DCAF8L2: variants seen among roughly 807,000 people sequenced by gnomAD.
DCAF8L2 encodes DDB1- and CUL4-associated factor 8-like protein 2.
For synonymous variants in DCAF8L2, 200 were observed against 190.9 expected, an observed-to-expected ratio of 1.05 and a Z score of -0.39; for missense variants, 430 against 490.7, an observed-to-expected ratio of 0.88 and a Z score of 1.17.
At chrX:27,487,415 G>A in the DCAF8L2 span, among the ~76,000 whole-genome samples, 1 of 111,295 alleles carries the variant, frequency 9.0e-6, no homozygotes, top group Admixed American at 9.6e-5. Flanking sequence ...CCGAGAAGCC[G>A]GGATTACAGG....
intron 2 of DCAF8L2, among the ~76,000 whole-genome samples, chrX:27,674,584 G>A (rs1237257766): frequency 9.0e-6 from 1 of 110,966 alleles, no homozygotes; most frequent in Non-Finnish European, 1.9e-5. Context: ...GCATGAAGCC[G>A]TTGTACAATA....
At position 27,748,243 on chromosome X, in the gene DCAF8L2, A is replaced by G; in HGVS notation, c.1348A>G (p.Asn450Asp). ...CAATGATGACGATATTTACCTCTTCAACTCCTCTCACAGTGATGGTGCTCA... is the reference window on the plus strand; with the variant it reads ...CAATGATGACGATATTTACCTCTTCGACTCCTCTCACAGTGATGGTGCTCA... Reference protein sequence around the residue: ...SYNDDDIYLFNSSHSDGAQYS... With the variant: ...SYNDDDIYLFDSSHSDGAQYS... Residue 450 changes from asparagine (N) to aspartate (D), a missense_variant, in exon 5 of 5, where the codon AAC becomes GAC. By Grantham distance (23) the Asn-to-Asp change is conservative. Coordinates refer to ENST00000451261, the MANE Select transcript of DCAF8L2 (RefSeq NM_001353450.2). 8.3e-7 allele frequency: 1 copy of G among 1,211,811 alleles called. No homozygotes were observed.
chrX:27,588,362 G>C (rs1444109120), upstream of DCAF8L2, among the ~76,000 whole-genome samples: 1 of 110,641 alleles, frequency 9.0e-6, no homozygotes, highest in Non-Finnish European at 1.9e-5. Context: ...AGTATTTCAT[G>C]GTGTGTACGT....
the DCAF8L2 span, among the ~76,000 whole-genome samples, chrX:27,488,693 G>A: frequency 9.0e-6 from 1 of 111,043 alleles, no homozygotes; most frequent in Non-Finnish European, 1.9e-5. Context: ...GTCTCAGTCT[G>A]TCGCCCAAGC....
chrX:27,537,233 A>T, the DCAF8L2 span, among the ~76,000 whole-genome samples: 3 of 112,500 alleles, frequency 2.7e-5, no homozygotes, highest in South Asian at 1.1e-3. Flanking sequence ...GGTAGGGCAC[A>T]TATGAAATCA....
intron 2 of DCAF8L2, among the ~76,000 whole-genome samples, chrX:27,673,438 G>A (rs1332231859): frequency 9.6e-6 from 1 of 104,440 alleles, no homozygotes; most frequent in African/African-American, 3.5e-5. Flanking sequence ...AACCCGGGAG[G>A]CGGAGGTTAC....
the DCAF8L2 span, among the ~76,000 whole-genome samples, chrX:27,492,700 C>T: frequency 5.4e-5 from 6 of 111,045 alleles, no homozygotes; most frequent in South Asian, 3.8e-4. Flanking sequence ...AGGCTGGTCT[C>T]GAACTTCGGA....
At chrX:27,647,327 A>G (rs918712275) in intron 2 of DCAF8L2, among the ~76,000 whole-genome samples, 26 of 111,964 alleles carry the variant, frequency 2.3e-4, no homozygotes, top group African/African-American at 8.1e-4. Context: ...CAAACATCGC[A>G]TGTTCTCACT....
At chrX:27,499,514 T>C in the DCAF8L2 span, among the ~76,000 whole-genome samples, 1 of 111,914 alleles carries the variant, frequency 8.9e-6, no homozygotes, top group East Asian at 2.8e-4. Flanking sequence ...AAAGAACTAC[T>C]TGAGACTGGG....
At chrX:27,653,668 C>A (rs1487640282) in intron 2 of DCAF8L2, among the ~76,000 whole-genome samples, 1 of 107,514 alleles carries the variant, frequency 9.3e-6, no homozygotes, top group Non-Finnish European at 1.9e-5. Flanking sequence ...ATAATATATA[C>A]ATATATAGAA....
the DCAF8L2 span, among the ~76,000 whole-genome samples, chrX:27,524,135 C>T: frequency 1.1e-4 from 12 of 111,521 alleles, no homozygotes; most frequent in African/African-American, 3.6e-4. Context: ...TCTGGTAGAA[C>T]TCGGCTGTGA....
the DCAF8L2 span, among the ~76,000 whole-genome samples, chrX:27,495,633 C>T: frequency 1.4e-4 from 16 of 111,848 alleles, no homozygotes; most frequent in Non-Finnish European, 2.8e-4. Flanking sequence ...AGCGGTTTCT[C>T]TTTTCAGATA....
chrX:27,587,985 A>AAAAATATATATATATATATGTATAT, upstream of DCAF8L2, among the ~76,000 whole-genome samples: 4 of 22,371 alleles, frequency 1.8e-4, no homozygotes, highest in African/African-American at 3.9e-4. Flanking sequence ...TAAAAAAAAA[A>AAAAATATATATATATATATGTATAT]ATATATATAT....
chrX:27,530,546 C>A, the DCAF8L2 span, among the ~76,000 whole-genome samples: 1 of 111,085 alleles, frequency 9.0e-6, no homozygotes, highest in Non-Finnish European at 1.9e-5. Context: ...GATTACTGAT[C>A]TTCAGCCAGA....
intron 3 of DCAF8L2, among the ~76,000 whole-genome samples, chrX:27,713,699 T>C (rs1382836101): frequency 3.6e-5 from 4 of 111,737 alleles, no homozygotes; most frequent in Non-Finnish European, 7.5e-5. Context: ...GGGACAGATA[T>C]TAAATATTAT....
the DCAF8L2 span, among the ~76,000 whole-genome samples, chrX:27,524,639 T>A: frequency 9.0e-6 from 1 of 111,578 alleles, no homozygotes; most frequent in African/African-American, 3.3e-5. Flanking sequence ...CAATTTTAGA[T>A]CTTTCCTGCT....
At chrX:27,584,507 A>T in the DCAF8L2 span, among the ~76,000 whole-genome samples, 3 of 6,177 alleles carry the variant, frequency 4.9e-4, no homozygotes, top group South Asian at 6.3e-3. Context: ...TCCCATATTT[A>T]AAAAAAACAC....
the DCAF8L2 span, among the ~76,000 whole-genome samples, chrX:27,492,549 G>A: frequency 3.9e-5 from 4 of 102,895 alleles, no homozygotes; most frequent in African/African-American, 1.5e-4. Context: ...TCATGATCTC[G>A]GCTCACTGCA....
the DCAF8L2 span, among the ~76,000 whole-genome samples, chrX:27,566,506 T>C: frequency 9.0e-6 from 1 of 110,898 alleles, no homozygotes; most frequent in Non-Finnish European, 1.9e-5. Flanking sequence ...TTCTTCTAGG[T>C]TATCTAGTTG....
Sources: allele counts gnomAD v4.1 joint callset (sites outside exome capture counted in the v4.1 genomes callset), GRCh38; gene constraint gnomAD v4.1.1; transcripts MANE v1.5; gene names NCBI Gene and HGNC (gene_info 2026-07-23, HGNC 2026-07-21).